GPR158: variants seen among roughly 807,000 people sequenced by gnomAD.
GPR158 encodes the protein G protein-coupled receptor 158, also known as metabotropic glycine receptor.
Under a neutral mutation model 78.2 loss-of-function variants are expected in GPR158, and 30 were observed. The observed-to-expected ratio is 0.38, with a 90% CI of 0.29 to 0.52. The LOEUF (loss-of-function observed/expected upper bound fraction) is 0.52, where lower values mean the gene tolerates loss of function less well. Ranked by LOEUF, GPR158 falls within the 20% of genes least tolerant of loss-of-function variation. The probability of loss-of-function intolerance (pLI) is 0.83; values close to 1 mark genes in which losing one functional copy is unlikely to be tolerated. For missense variants in GPR158, 1,463 were observed against 1,523.5 expected (o/e 0.96, Z 0.66); for synonymous variants, 581 against 591.1 (o/e 0.98, Z 0.25).
At chr10:25,359,378 A>G (rs953639786) in intron 2 of GPR158, among the ~76,000 whole-genome samples, 3 of 152,014 alleles carry the variant, frequency 2.0e-5, no homozygotes, top group African/African-American at 7.2e-5. Flanking sequence ...CTTCTACATT[A>G]GGTATTTCTC....
chr10:25,329,609 T>A (rs964670757), intron 2 of GPR158, among the ~76,000 whole-genome samples: 3 of 151,820 alleles, frequency 2.0e-5, no homozygotes, highest in Admixed American at 6.6e-5. Flanking sequence ...TTTTTTTTTT[T>A]AAAGTTTGAT....
chr10:25,240,373 G>C (rs573070468), intron 2 of GPR158, among the ~76,000 whole-genome samples: 1 of 152,280 alleles, frequency 6.6e-6, no homozygotes, highest in East Asian at 1.9e-4. Flanking sequence ...GCTAGGCATG[G>C]TGGTGCACGC....
At chr10:25,506,302 G>A (rs1206691628) in intron 5 of GPR158, among the ~76,000 whole-genome samples, 1 of 152,192 alleles carries the variant, frequency 6.6e-6, no homozygotes, top group Non-Finnish European at 1.5e-5. Context: ...ATTCTGTTAA[G>A]TCTCATAAAG....
At chr10:25,406,721 T>G (rs1834520628) in intron 3 of GPR158, among the ~76,000 whole-genome samples, 1 of 152,206 alleles carries the variant, frequency 6.6e-6, no homozygotes, top group South Asian at 2.1e-4. Flanking sequence ...TGGCTTAATT[T>G]CCTTTCTTTA....
chr10:25,561,251 A>G (rs1204241266), intron 6 of GPR158, among the ~76,000 whole-genome samples: 1 of 152,210 alleles, frequency 6.6e-6, no homozygotes, highest in Non-Finnish European at 1.5e-5. Flanking sequence ...ATTAAATAGT[A>G]AAACATTACA....
At chr10:25,526,811 G>C (rs1051564766) in intron 5 of GPR158, among the ~76,000 whole-genome samples, 2 of 152,158 alleles carry the variant, frequency 1.3e-5, no homozygotes, top group Non-Finnish European at 2.9e-5. Context: ...TAAGATTGAT[G>C]GACTGGCTTG....
chr10:25,269,481 C>A (rs1404082492), intron 2 of GPR158, among the ~76,000 whole-genome samples: 2 of 152,108 alleles, frequency 1.3e-5, no homozygotes, highest in Admixed American at 6.6e-5. Context: ...TCCCCCAATC[C>A]CTGACCACAT....
chr10:25,369,910 C>T (rs569374715), intron 2 of GPR158, among the ~76,000 whole-genome samples: 106 of 151,572 alleles, frequency 7.0e-4, no homozygotes, highest in African/African-American at 2.5e-3. Flanking sequence ...GTGTATGTGT[C>T]AAGGAATTTA....
intron 5 of GPR158, among the ~76,000 whole-genome samples, chr10:25,500,887 T>G (rs966701069): frequency 1.3e-5 from 2 of 152,234 alleles, no homozygotes; most frequent in African/African-American, 2.4e-5. Context: ...TTGAGAATCA[T>G]TTCAACATTT....
chr10:25,186,549 C>T (rs115574771), intron 1 of GPR158, among the ~76,000 whole-genome samples: 5,503 of 152,120 alleles, frequency 0.036, 308 homozygotes, highest in African/African-American at 0.12. Flanking sequence ...TTATCACCAC[C>T]GACCTCACAG....
At chr10:25,212,901 A>G (rs1332892885) in intron 1 of GPR158, among the ~76,000 whole-genome samples, 1 of 152,142 alleles carries the variant, frequency 6.6e-6, no homozygotes, top group East Asian at 1.9e-4. Flanking sequence ...AAGTGCTGGG[A>G]TTACTGGTAT....
chr10:25,199,766 G>A (rs774906094), intron 1 of GPR158, among the ~76,000 whole-genome samples: 3 of 152,098 alleles, frequency 2.0e-5, no homozygotes, highest in African/African-American at 7.2e-5. Flanking sequence ...TCCTGAGGCC[G>A]CCTCAGCCAT....
intron 2 of GPR158, among the ~76,000 whole-genome samples, chr10:25,332,988 C>T (rs944191385): frequency 3.9e-4 from 60 of 151,988 alleles, no homozygotes; most frequent in Non-Finnish European, 2.1e-4. Context: ...ATGAACTGGC[C>T]TGTAGAGGAT....
At chr10:25,261,529 A>C (rs537647004) in intron 2 of GPR158, among the ~76,000 whole-genome samples, 5 of 152,154 alleles carry the variant, frequency 3.3e-5, no homozygotes, top group African/African-American at 1.2e-4. Context: ...TTTTAGTGCA[A>C]AGTCTCTTAA....
At chr10:25,216,617 CAT>C (rs972367176) in intron 1 of GPR158, among the ~76,000 whole-genome samples, 25 of 152,144 alleles carry the variant, frequency 1.6e-4, no homozygotes, top group Admixed American at 1.1e-3. Flanking sequence ...GTGGGGAAAA[CAT>C]ATCATTGAAA....
chr10:25,505,089 A>G (rs1835993481), intron 5 of GPR158, among the ~76,000 whole-genome samples: 1 of 152,222 alleles, frequency 6.6e-6, no homozygotes, highest in Non-Finnish European at 1.5e-5. Context: ...AAATTAGATG[A>G]TACGTGTAAA....
intron 4 of GPR158, among the ~76,000 whole-genome samples, chr10:25,434,147 C>A (rs1384440065): frequency 6.6e-6 from 1 of 151,946 alleles, no homozygotes; most frequent in Non-Finnish European, 1.5e-5. Context: ...GGCGACACAG[C>A]AAGACTCTGT....
Position 25,183,203 on chromosome 10 carries a change from A to G in GPR158, c.902+6881A>G, listed in dbSNP as rs538489886. Among the ~76,000 whole-genome samples the G allele has an allele frequency of 5.3e-5, 8 of 152,226 alleles. No homozygotes were observed. The East Asian group carries it at 7.7e-4, about 15-fold the overall frequency. On this transcript the variant is annotated intron_variant, in intron 1 of 10. Transcript: ENST00000376351. ...CAGGAAGAAAAACTTGACCTATACA[A>G]ATATTTGGGTAGATGACTGTCCCAT...
At chr10:25,189,416 G>GAA (rs1409153592) in intron 1 of GPR158, among the ~76,000 whole-genome samples, 1 of 152,150 alleles carries the variant, frequency 6.6e-6, no homozygotes, top group Non-Finnish European at 1.5e-5. Flanking sequence ...ACTGGATTAA[G>GAA]AAAATGTGGC....
Sources: allele counts gnomAD v4.1 joint callset (sites outside exome capture counted in the v4.1 genomes callset), GRCh38; gene constraint gnomAD v4.1.1; transcripts MANE v1.5; gene names NCBI Gene and HGNC (gene_info 2026-07-23, HGNC 2026-07-21).